PRKCH: variants seen among roughly 807,000 people sequenced by gnomAD.
The protein encoded by PRKCH is protein kinase C eta, also known as protein kinase C eta type.
A neutral mutation model predicts 82.5 loss-of-function variants in PRKCH; 28 were observed. The observed-to-expected ratio is 0.34, with a 90% CI of 0.25 to 0.47. PRKCH has a LOEUF of 0.47. Ranked by LOEUF, PRKCH falls within the 20% of genes least tolerant of loss-of-function variation. The pLI, the probability that PRKCH is intolerant of heterozygous loss-of-function variation, is 1.00. For synonymous variants in PRKCH, 322 were observed against 327.4 expected (o/e 0.98, Z 0.18); for missense variants, 705 against 881.8 (o/e 0.80, Z 2.54).
intron 1 of PRKCH, among the ~76,000 whole-genome samples, chr14:61,258,623 G>C (rs1226555628): frequency 6.6e-6 from 1 of 152,098 alleles, no homozygotes; most frequent in South Asian, 2.1e-4. Flanking sequence ...CACAGACATA[G>C]ATTTTTTATG....
rs1243864920 is a variant in PRKCH, at chr14:61,394,521, CT to C, written c.427+3234del. On this transcript the variant is annotated intron_variant, in intron 2 of 13. Transcript: ENST00000332981. Reference sequence around the variant, plus strand: ...GGAGGAGGAGTGGGTAAGATTCTCTCTCATTCGAGCTGAATCAACTCTCTGC... The same window carrying C: ...GGAGGAGGAGTGGGTAAGATTCTCTCCATTCGAGCTGAATCAACTCTCTGC... Among the ~76,000 whole-genome samples, 3 of 152,270 alleles carry C rather than the reference CT, an allele frequency of 2.0e-5. No homozygotes were observed. The East Asian group carries it at 5.8e-4, about 29-fold the overall frequency.
chr14:61,447,825 G>C (rs982714376), intron 4 of PRKCH, among the ~76,000 whole-genome samples: 2 of 152,188 alleles, frequency 1.3e-5, no homozygotes, highest in Non-Finnish European at 2.9e-5. Context: ...ATCATTAAAT[G>C]CATACAGTAG....
At chr14:61,311,201 T>C (rs1432996473) in intron 1 of PRKCH, among the ~76,000 whole-genome samples, 1 of 152,232 alleles carries the variant, frequency 6.6e-6, no homozygotes, top group African/African-American at 2.4e-5. Context: ...TTATGCAAAT[T>C]TCTGTGGCCA....
At chr14:61,357,284 C>A (rs1195386164) in intron 1 of PRKCH, among the ~76,000 whole-genome samples, 1 of 152,214 alleles carries the variant, frequency 6.6e-6, no homozygotes, top group Non-Finnish European at 1.5e-5. Flanking sequence ...GCCTCTCCAC[C>A]CGCCTCACTC....
intron 1 of PRKCH, among the ~76,000 whole-genome samples, chr14:61,256,671 GT>G: frequency 6.6e-6 from 1 of 152,244 alleles, no homozygotes; most frequent in South Asian, 2.1e-4. Flanking sequence ...TGAAATCATT[GT>G]TCATTGTCTT....
At chr14:61,347,233 C>T (rs1015544497) in intron 1 of PRKCH, among the ~76,000 whole-genome samples, 12 of 152,182 alleles carry the variant, frequency 7.9e-5, no homozygotes, top group Non-Finnish European at 1.5e-4. Context: ...GATTGAATTA[C>T]TTTTTTAAAA....
intron 2 of PRKCH, among the ~76,000 whole-genome samples, chr14:61,418,600 A>G (rs961624597): frequency 3.3e-5 from 5 of 152,230 alleles, no homozygotes; most frequent in Non-Finnish European, 7.3e-5. Context: ...TCAGAGTAGC[A>G]GGAGGCCTTT....
intron 1 of PRKCH, chr14:61,281,629 G>A (rs989061926): frequency 6.0e-6 from 1 of 167,360 alleles, no homozygotes; most frequent in East Asian, 1.9e-4. Flanking sequence ...GAAATCAAAA[G>A]GCGCTCCGGC....
chr14:61,384,029 G>A (rs2046550456), intron 1 of PRKCH, among the ~76,000 whole-genome samples: 2 of 152,104 alleles, frequency 1.3e-5, no homozygotes, highest in African/African-American at 2.4e-5. Flanking sequence ...CAGCACTTTA[G>A]AAAAGGCTGC....
At position 61,270,424 on chromosome 14, in the gene PRKCH, A is replaced by G. The variant is rs149016301; in HGVS notation, c.-19+82756A>G. 1.6e-4 allele frequency among the ~76,000 whole-genome samples: 25 copies of G among 152,306 alleles called. 1 individual carries two copies. The East Asian group carries it at 4.4e-3, about 27-fold the overall frequency. On this transcript the variant is annotated intron_variant, in intron 1 of 3. Transcript: ENST00000555185. ...GTGGCCAGGATTTTTCCTCCCTCATACAGTGTCTATACTCACCAAAATTCC... is the reference window on the plus strand; with the variant it reads ...GTGGCCAGGATTTTTCCTCCCTCATGCAGTGTCTATACTCACCAAAATTCC...
intron 2 of PRKCH, among the ~76,000 whole-genome samples, chr14:61,399,840 T>C (rs984938323): frequency 1.3e-5 from 2 of 152,268 alleles, no homozygotes; most frequent in East Asian, 3.9e-4. Flanking sequence ...GAAAACTTCC[T>C]CAAAAACAAA....
chr14:61,376,371 G>A (rs2046428420), intron 1 of PRKCH, among the ~76,000 whole-genome samples: 1 of 152,066 alleles, frequency 6.6e-6, no homozygotes, highest in Admixed American at 6.5e-5. Flanking sequence ...ATTCCTGTGT[G>A]GATGACTCTA....
At chr14:61,502,260 AC>A (rs764841158) in intron 10 of PRKCH, among the ~76,000 whole-genome samples, 25 of 151,818 alleles carry the variant, frequency 1.6e-4, no homozygotes, top group Non-Finnish European at 3.2e-4. Context: ...GACGGGTGTC[AC>A]TATGTTGGCC....
At chr14:61,389,239 A>G (rs2046635680) in intron 1 of PRKCH, among the ~76,000 whole-genome samples, 1 of 152,126 alleles carries the variant, frequency 6.6e-6, no homozygotes, top group Non-Finnish European at 1.5e-5. Flanking sequence ...GGTCCCAGCT[A>G]CTTGGGGGGC....
intron 1 of PRKCH, among the ~76,000 whole-genome samples, chr14:61,240,439 G>A (rs562047584): frequency 2.6e-5 from 4 of 152,126 alleles, no homozygotes; most frequent in Non-Finnish European, 5.9e-5. Flanking sequence ...TTGCCATGAA[G>A]TCCTGCACAT....
intron 1 of PRKCH, among the ~76,000 whole-genome samples, chr14:61,286,814 G>A (rs186174390): frequency 1.6e-3 from 242 of 152,234 alleles, no homozygotes; most frequent in Admixed American, 4.1e-3. Flanking sequence ...CAGTTGGGTG[G>A]GTTGAGTTGC....
At chr14:61,338,115 C>G (rs2045881887) in intron 1 of PRKCH, among the ~76,000 whole-genome samples, 1 of 152,164 alleles carries the variant, frequency 6.6e-6, no homozygotes, top group Non-Finnish European at 1.5e-5. Flanking sequence ...GGTGTCTGCC[C>G]TCACCTTGGC....
intron 1 of PRKCH, among the ~76,000 whole-genome samples, chr14:61,315,224 A>T (rs1239216716): frequency 2.6e-5 from 4 of 152,058 alleles, no homozygotes; most frequent in Non-Finnish European, 2.9e-5. Context: ...CTGCTTGCTG[A>T]GAGTCTCAGT....
At chr14:61,343,557 GA>G (rs2045955769) in intron 1 of PRKCH, among the ~76,000 whole-genome samples, 1 of 152,064 alleles carries the variant, frequency 6.6e-6, no homozygotes, top group Non-Finnish European at 1.5e-5. Context: ...CACGATGATA[GA>G]TTTTTTTTTA....
Sources: gnomAD v4.1 joint callset for allele counts (sites outside exome capture counted in the v4.1 genomes callset) on GRCh38, gnomAD v4.1.1 for gene constraint, MANE v1.5 for transcripts, NCBI Gene and HGNC (gene_info 2026-07-23, HGNC 2026-07-21) for gene names.